The following TMTC1 variants were observed in gnomAD, a reference collection of about 807,000 sequenced individuals.
The protein encoded by TMTC1 is transmembrane O-mannosyltransferase targeting cadherins 1.
TMTC1 carries 73 observed loss-of-function variants against 104.8 expected under a neutral mutation model. The ratio of observed to expected loss-of-function variants is 0.70; its 90% confidence interval spans 0.58 to 0.85. TMTC1 has a LOEUF of 0.85. TMTC1 is among the 40% of genes least tolerant of loss of function. The pLI, the probability that TMTC1 is intolerant of heterozygous loss-of-function variation, is 0.00. For missense variants in TMTC1, 1,035 were observed against 1,096.1 expected (o/e 0.94, Z 0.79); for synonymous variants, 434 against 428.7 (o/e 1.01, Z -0.15).
rs1379105327 is a variant in TMTC1, at chr12:29,604,277, A to G, written c.1151T>C (p.Leu384Ser). The change falls in exon 7 of 18, where the codon TTA (leucine) becomes TCA (serine). Residue 384 changes from leucine to serine, a missense_variant. Physicochemically the swap from Leu to Ser is moderately radical, Grantham distance 145. Transcript: ENST00000539277. ...GAACACCAGGAACAACAAGCCGACT[A>G]AAACCTCCTTGTGCTCCAGTCTCTG... ...AFKRLEHKEV[L>S]VGLLFLVFPF... The G allele has an allele frequency of 3.7e-6, 6 of 1,613,888 alleles. No individual in the cohort carries two copies. Among genetic ancestry groups the G allele is most frequent in the Non-Finnish European group, 5.1e-6 (6 of 1,179,884 alleles).
At chr12:29,569,401 G>A (rs1412775169) in intron 9 of TMTC1, among the ~76,000 whole-genome samples, 1 of 152,102 alleles carries the variant, frequency 6.6e-6, no homozygotes, top group African/African-American at 2.4e-5. Context: ...GATAATTGCT[G>A]GAATTGATTT....
At chr12:29,565,904 T>C (rs1174759375) in intron 9 of TMTC1, among the ~76,000 whole-genome samples, 6 of 152,198 alleles carry the variant, frequency 3.9e-5, no homozygotes, top group African/African-American at 1.4e-4. Flanking sequence ...CATTGTTCCA[T>C]TCAACAAATA....
At chr12:29,673,079 A>C (rs1227690863) in intron 5 of TMTC1, among the ~76,000 whole-genome samples, 1 of 152,200 alleles carries the variant, frequency 6.6e-6, no homozygotes, top group Non-Finnish European at 1.5e-5. Context: ...AAATAAATTC[A>C]CTTTCTTATA....
At chr12:29,784,551 A>G (rs892341623), upstream of TMTC1, 5 of 152,328 alleles carry the variant, frequency 3.3e-5, no homozygotes, top group Admixed American at 3.3e-4. Flanking sequence ...TCCCTGGACA[A>G]GGACATCCTG....
intron 5 of TMTC1, among the ~76,000 whole-genome samples, chr12:29,688,224 G>A (rs1480448977): frequency 6.6e-6 from 1 of 152,096 alleles, no homozygotes; most frequent in Non-Finnish European, 1.5e-5. Flanking sequence ...CTTTTCCTAA[G>A]GGTCAACCAG....
At chr12:29,679,006 C>A (rs1940823754) in intron 5 of TMTC1, among the ~76,000 whole-genome samples, 2 of 152,042 alleles carry the variant, frequency 1.3e-5, no homozygotes, top group African/African-American at 2.4e-5. Context: ...AGAGTTATGT[C>A]CATAATATTT....
At chr12:29,532,246 T>C (rs558399665) in intron 11 of TMTC1, among the ~76,000 whole-genome samples, 1 of 152,248 alleles carries the variant, frequency 6.6e-6, no homozygotes, top group African/African-American at 2.4e-5. Flanking sequence ...AACTTAAAGG[T>C]TGTACACTGC....
Position 29,751,584 on chromosome 12 carries a change from T to C in TMTC1, c.938+82A>G, listed in dbSNP as rs916829927. ...GGTCACAGTGTGCTGACTCAGTGCT[T>C]CACTTCCCCAGGCATCCCAGGCTGC... On this transcript the variant is annotated intron_variant, in intron 5 of 17. Transcript: ENST00000539277. 17 of 1,475,136 alleles carry C rather than the reference T, an allele frequency of 1.2e-5. No homozygotes were observed. The South Asian group carries it at 1.9e-4, about 17-fold the overall frequency. 91.4% of individuals were successfully genotyped at this position (1,475,136 alleles called of 1,614,324 possible).
intron 5 of TMTC1, among the ~76,000 whole-genome samples, chr12:29,639,941 A>C (rs982847573): frequency 2.6e-5 from 4 of 152,232 alleles, no homozygotes; most frequent in Admixed American, 2.6e-4. Flanking sequence ...CCAGGAAACA[A>C]GGCTGGTACT....
At chr12:29,555,114 T>C (rs1191271998) in intron 10 of TMTC1, among the ~76,000 whole-genome samples, 2 of 149,172 alleles carry the variant, frequency 1.3e-5, no homozygotes, top group African/African-American at 2.5e-5. Context: ...ATAAAGGGTT[T>C]AGGATTCAGT....
chr12:29,699,089 C>T (rs1446101135), intron 5 of TMTC1, among the ~76,000 whole-genome samples: 1 of 152,166 alleles, frequency 6.6e-6, no homozygotes, highest in African/African-American at 2.4e-5. Context: ...AGATGTTCAA[C>T]TTAGTAATGC....
At chr12:29,571,542 C>T (rs1160948054) in intron 9 of TMTC1, among the ~76,000 whole-genome samples, 1 of 151,298 alleles carries the variant, frequency 6.6e-6, no homozygotes, top group Non-Finnish European at 1.5e-5. Context: ...ATTCTCTCTT[C>T]CATTGGAAGA....
chr12:29,527,892 C>A (rs1944393604), intron 11 of TMTC1, among the ~76,000 whole-genome samples: 1 of 152,124 alleles, frequency 6.6e-6, no homozygotes, highest in Non-Finnish European at 1.5e-5. Context: ...ATAGTGAGAT[C>A]TAAAGACTGA....
At chr12:29,635,858 G>A (rs1938524446) in intron 5 of TMTC1, among the ~76,000 whole-genome samples, 1 of 152,192 alleles carries the variant, frequency 6.6e-6, no homozygotes, top group Non-Finnish European at 1.5e-5. Flanking sequence ...GGGAAGAGAA[G>A]GAGGGAGAGG....
intron 7 of TMTC1, among the ~76,000 whole-genome samples, chr12:29,586,387 AC>A (rs1203048018): frequency 6.6e-6 from 1 of 152,166 alleles, no homozygotes; most frequent in East Asian, 1.9e-4. Flanking sequence ...GCAAACAGGG[AC>A]AATTTGACTT....
chr12:29,714,207 T>G (rs1339130160), intron 5 of TMTC1, among the ~76,000 whole-genome samples: 1 of 152,210 alleles, frequency 6.6e-6, no homozygotes, highest in Non-Finnish European at 1.5e-5. Context: ...GCAAAATCTT[T>G]CTACCAAAAA....
chr12:29,750,589 G>A (rs1479375177), intron 5 of TMTC1, among the ~76,000 whole-genome samples: 2 of 152,178 alleles, frequency 1.3e-5, no homozygotes, highest in Admixed American at 6.6e-5. Flanking sequence ...ACAAACATAG[G>A]CAAAGGCAAG....
At chr12:29,652,154 G>A (rs962272884) in intron 5 of TMTC1, among the ~76,000 whole-genome samples, 1 of 152,200 alleles carries the variant, frequency 6.6e-6, no homozygotes, top group Non-Finnish European at 1.5e-5. Flanking sequence ...GAGTGGCCAT[G>A]GGCAGTGTAA....
At chr12:29,532,676 A>C (rs1045980610) in intron 11 of TMTC1, 20 of 152,054 alleles carry the variant, frequency 1.3e-4, no homozygotes, top group Non-Finnish European at 4.4e-5. Flanking sequence ...AAAGAATGAT[A>C]ATATTTGTTG....
Sources: allele counts gnomAD v4.1 joint callset (sites outside exome capture counted in the v4.1 genomes callset), GRCh38; gene constraint gnomAD v4.1.1; transcripts MANE v1.5; gene names NCBI Gene and HGNC (gene_info 2026-07-23, HGNC 2026-07-21).